Variants in CECR2 observed in about 807,000 individuals in gnomAD.
CECR2 encodes the protein CECR2 histone acetyl-lysine reader.
In CECR2, 30 loss-of-function variants were observed where a neutral mutation model predicts 154.5. The observed-to-expected ratio is 0.19, with a 90% CI of 0.15 to 0.26. CECR2 has a LOEUF of 0.26. Among genes scored for constraint, CECR2 ranks in the 10% least tolerant of loss-of-function variants. The pLI is 1.00. For synonymous variants in CECR2, 725 were observed against 683.7 expected (o/e 1.06, Z -0.94); for missense variants, 1,743 against 1,829.3 (o/e 0.95, Z 0.86).
intron 1 of CECR2, among the ~76,000 whole-genome samples, chr22:17,462,300 G>A (rs1353724590): frequency 1.3e-5 from 2 of 151,850 alleles, no homozygotes; most frequent in South Asian, 2.1e-4. Context: ...GGCAGAGCTT[G>A]CAGTGAGCAA....
chr22:17,504,000 T>A (rs999128727), intron 6 of CECR2, among the ~76,000 whole-genome samples: 8 of 151,802 alleles, frequency 5.3e-5, no homozygotes, highest in African/African-American at 1.9e-4. Context: ...TGAGCTGAGA[T>A]GGTGCCCCTG....
intron 1 of CECR2, among the ~76,000 whole-genome samples, chr22:17,436,768 T>C (rs1189635781): frequency 6.6e-6 from 1 of 152,152 alleles, no homozygotes; most frequent in Non-Finnish European, 1.5e-5. Flanking sequence ...AGAAGGTAAG[T>C]GTTGAGCCCC....
rs141354988 is a variant in CECR2, at chr22:17,549,104, G to A, written c.3817G>A (p.Gly1273Arg). ...DAVAAKVPND[G>R]QNPGPEEEKL... Reference sequence around the variant, plus strand: ...AGTGGCTGCTAAAGTCCCAAATGACGGGCAGAATCCTGGTCCAGAGGAAGA... The same window carrying A: ...AGTGGCTGCTAAAGTCCCAAATGACAGGCAGAATCCTGGTCCAGAGGAAGA... The change falls in exon 17 of 19, where the codon GGG becomes AGG. Residue 1273 changes from glycine to arginine, a missense_variant. Physicochemically the swap from Gly to Arg is moderately radical, Grantham distance 125. Around this residue, in one of 4 missense-constraint regions of CECR2, gnomAD observed 1,250 missense variants for 1,192.1 expected, o/e 1.05. Coordinates refer to ENST00000262608, the MANE Select transcript of CECR2 (RefSeq NM_001290047.2). 61 of 1,614,020 alleles carry A rather than the reference G, an allele frequency of 3.8e-5. No homozygotes were observed. Among genetic ancestry groups the A allele is most frequent in the Middle Eastern group, 3.3e-4 (2 of 6,062 alleles).
intron 1 of CECR2, among the ~76,000 whole-genome samples, chr22:17,361,747 TAA>T (rs111700209): frequency 1.1e-4 from 15 of 136,584 alleles, no homozygotes; most frequent in Admixed American, 2.2e-4. Flanking sequence ...TATCTCAAAT[TAA>T]AAAAAAAAAA....
At chr22:17,481,996 T>C (rs1426066862) in intron 2 of CECR2, among the ~76,000 whole-genome samples, 1 of 147,554 alleles carries the variant, frequency 6.8e-6, no homozygotes, top group East Asian at 2.0e-4. Flanking sequence ...GCACCTGTAG[T>C]CCCAGCTACT....
chr22:17,403,668 T>C (rs565965609), intron 1 of CECR2, among the ~76,000 whole-genome samples: 1 of 152,320 alleles, frequency 6.6e-6, no homozygotes, highest in Non-Finnish European at 1.5e-5. Flanking sequence ...TGTTCACCTT[T>C]TTCTGTGTTA....
At chr22:17,539,244 C>T (rs1220480377) in intron 13 of CECR2, 125 bp downstream of exon 13, 6 of 1,123,280 alleles carry the variant, frequency 5.3e-6, no homozygotes, top group Admixed American at 4.3e-5. Flanking sequence ...TATGAAAAGT[C>T]ATGGGATTGA....
intron 1 of CECR2, among the ~76,000 whole-genome samples, chr22:17,434,183 A>G (rs1364455962): frequency 6.6e-6 from 1 of 152,106 alleles, no homozygotes; most frequent in Non-Finnish European, 1.5e-5. Context: ...CTCTTGGGAG[A>G]ATGAACAGTT....
intron 1 of CECR2, among the ~76,000 whole-genome samples, chr22:17,399,020 C>A (rs983870392): frequency 5.9e-5 from 9 of 152,092 alleles, no homozygotes; most frequent in African/African-American, 2.2e-4. Context: ...GAATCTCAGG[C>A]CTTACCCTGG....
At chr22:17,402,228 A>T (rs1270193363) in intron 1 of CECR2, among the ~76,000 whole-genome samples, 1 of 152,128 alleles carries the variant, frequency 6.6e-6, no homozygotes, top group African/African-American at 2.4e-5. Flanking sequence ...CAGGCAGTTC[A>T]CCTGCCTCGG....
chr22:17,529,649 G>A (rs572374706), intron 9 of CECR2, among the ~76,000 whole-genome samples: 4 of 150,718 alleles, frequency 2.7e-5, no homozygotes, highest in African/African-American at 9.8e-5. Context: ...CCAGTGAGCC[G>A]AGATCGCCCC....
chr22:17,467,227 G>A (rs1009372283), intron 1 of CECR2, among the ~76,000 whole-genome samples: 1 of 152,198 alleles, frequency 6.6e-6, no homozygotes, highest in Non-Finnish European at 1.5e-5. Context: ...ATTTTCATAA[G>A]CAAGCCATAG....
chr22:17,388,801 CTTTG>C (rs956345611), intron 1 of CECR2, among the ~76,000 whole-genome samples: 23 of 151,894 alleles, frequency 1.5e-4, no homozygotes, highest in Non-Finnish European at 2.6e-4. Context: ...TTTTTAAAAA[CTTTG>C]TTTATTTTAT....
intron 1 of CECR2, among the ~76,000 whole-genome samples, chr22:17,398,702 A>G (rs1280669179): frequency 6.6e-6 from 1 of 152,212 alleles, no homozygotes; most frequent in African/African-American, 2.4e-5. Flanking sequence ...AGAATTAAAT[A>G]CCTTCAAGTT....
chr22:17,449,859 G>C (rs1045840943), intron 1 of CECR2, among the ~76,000 whole-genome samples: 1 of 152,200 alleles, frequency 6.6e-6, no homozygotes, highest in African/African-American at 2.4e-5. Context: ...GCAATGGTCT[G>C]ATAAGTTTTT....
At chr22:17,526,845 A>ACCT (rs1459379942) in intron 9 of CECR2, among the ~76,000 whole-genome samples, 1 of 150,970 alleles carries the variant, frequency 6.6e-6, no homozygotes, top group Non-Finnish European at 1.5e-5. Context: ...TATATCTAAG[A>ACCT]CCTCAAATTA....
intron 1 of CECR2, among the ~76,000 whole-genome samples, chr22:17,373,111 G>A (rs545725771): frequency 1.3e-5 from 2 of 152,202 alleles, no homozygotes; most frequent in Non-Finnish European, 2.9e-5. Context: ...TGCCCAGGCT[G>A]GAGTACAGTG....
At chr22:17,451,660 C>A (rs975923473) in intron 1 of CECR2, among the ~76,000 whole-genome samples, 2 of 152,162 alleles carry the variant, frequency 1.3e-5, no homozygotes, top group African/African-American at 4.8e-5. Flanking sequence ...AAAGTTCTTT[C>A]CAGTGTATGG....
chr22:17,466,598 C>CCTTTTTTTTT lies in CECR2; in HGVS notation c.127-10990_127-10989insCTTTTTTTTT, dbSNP rs555359003. On this transcript the variant is annotated intron_variant, in intron 1 of 18. Coordinates refer to ENST00000262608, the MANE Select transcript of CECR2 (RefSeq NM_001290047.2). The stretch of plus-strand genomic sequence containing the variant: ...CCACTATTGTTACTTAAAACCTTGC[C>CCTTTTTTTTT]TTTTTTTTTTTTTTGAGAAGGAGTC... 1.8e-4 allele frequency among the ~76,000 whole-genome samples: 25 copies of CCTTTTTTTTT among 140,212 alleles called. 1 individual carries two copies. The highest frequency in any genetic ancestry group is 6.3e-4 in the East Asian group (3 of 4,760). The allele number at this position is 140,212 out of a possible 152,430, so 92.0% of individuals were successfully genotyped here. A position where few individuals can be genotyped will look rare whatever the true frequency, so the allele number is the denominator to read the frequency against.
Sources: gnomAD v4.1 joint callset for allele counts (sites outside exome capture counted in the v4.1 genomes callset) on GRCh38, gnomAD v4.1.1 for gene constraint, gnomAD v4.1.1 regional missense constraint, MANE v1.5 for transcripts, NCBI Gene and HGNC (gene_info 2026-07-23, HGNC 2026-07-21) for gene names.